The following PTPRD variants were observed in gnomAD, a reference collection of about 807,000 sequenced individuals.
PTPRD encodes protein tyrosine phosphatase receptor type D, also known as receptor-type tyrosine-protein phosphatase delta.
PTPRD carries 34 observed loss-of-function variants against 214.5 expected under a neutral mutation model. The ratio of observed to expected loss-of-function variants is 0.16; its 90% CI spans 0.12 to 0.21. The LOEUF (loss-of-function observed/expected upper bound fraction) is 0.21. Among genes scored for constraint, PTPRD ranks in the 10% least tolerant of loss-of-function variants. The probability of loss-of-function intolerance (pLI) is 1.00; values close to 1 mark genes in which losing one functional copy is unlikely to be tolerated. For missense variants in PTPRD, 2,545 were observed against 2,398.7 expected (o/e 1.06, Z -1.27); for synonymous variants, 1,128 against 845.7 (o/e 1.33, Z -5.79).
intron 3 of PTPRD, among the ~76,000 whole-genome samples, chr9:10,180,278 C>T (rs2099274449): frequency 6.6e-6 from 1 of 151,914 alleles, no homozygotes; most frequent in Admixed American, 6.6e-5. Flanking sequence ...TTCTTATACA[C>T]TGGTAAAAGA....
intron 26 of PTPRD, among the ~76,000 whole-genome samples, chr9:8,496,615 G>A (rs905700538): frequency 1.3e-5 from 2 of 152,088 alleles, no homozygotes; most frequent in Non-Finnish European, 2.9e-5. Flanking sequence ...AATATGTATG[G>A]GTAAAGTGAA....
At chr9:8,651,392 C>G (rs2096804313) in intron 12 of PTPRD, among the ~76,000 whole-genome samples, 1 of 152,138 alleles carries the variant, frequency 6.6e-6, no homozygotes, top group South Asian at 2.1e-4. Flanking sequence ...AGGCCATGAA[C>G]TAACTCTGTC....
intron 5 of PTPRD, among the ~76,000 whole-genome samples, chr9:9,861,574 C>T (rs909356778): frequency 6.6e-6 from 1 of 152,194 alleles, no homozygotes; most frequent in Admixed American, 6.5e-5. Flanking sequence ...CTGGCGTGAG[C>T]CACCGCACAT....
chr9:10,557,470 C>G (rs1028026729), intron 2 of PTPRD, among the ~76,000 whole-genome samples: 9 of 152,036 alleles, frequency 5.9e-5, no homozygotes, highest in African/African-American at 1.9e-4. Flanking sequence ...TACTGGGCTG[C>G]ACAACTCAGC....
At chr9:9,906,453 C>T (rs113011744) in intron 5 of PTPRD, among the ~76,000 whole-genome samples, 15 of 151,854 alleles carry the variant, frequency 9.9e-5, no homozygotes, top group African/African-American at 3.6e-4. Context: ...TGTATTGGTG[C>T]CTACGTAATC....
At chr9:8,743,422 C>T (rs1489134124) in intron 11 of PTPRD, among the ~76,000 whole-genome samples, 5 of 152,130 alleles carry the variant, frequency 3.3e-5, no homozygotes, top group Non-Finnish European at 7.3e-5. Flanking sequence ...GGGAGCTTAG[C>T]TCTTCTCTAA....
At chr9:8,467,476 C>T (rs1273927194) in intron 31 of PTPRD, among the ~76,000 whole-genome samples, 1 of 151,756 alleles carries the variant, frequency 6.6e-6, no homozygotes, top group East Asian at 1.9e-4. Context: ...CGTAATAACC[C>T]TATAAGGATG....
chr9:8,905,360 C>T (rs143158377), intron 11 of PTPRD, among the ~76,000 whole-genome samples: 3 of 152,060 alleles, frequency 2.0e-5, no homozygotes, highest in African/African-American at 4.8e-5. Context: ...TATTTTCTTT[C>T]TGTGTACATT....
intron 3 of PTPRD, among the ~76,000 whole-genome samples, chr9:10,063,788 A>G (rs1273446515): frequency 6.6e-6 from 1 of 152,042 alleles, no homozygotes; most frequent in Non-Finnish European, 1.5e-5. Flanking sequence ...TTCAGAGGTA[A>G]CTGGACTGTG....
chr9:9,086,211 A>G (rs1013852691), intron 10 of PTPRD, among the ~76,000 whole-genome samples: 1 of 152,190 alleles, frequency 6.6e-6, no homozygotes, highest in Non-Finnish European at 1.5e-5. Context: ...TTCTAAATCT[A>G]TGGGTATAGA....
chr9:9,706,733 C>T (rs2097620843), intron 7 of PTPRD, among the ~76,000 whole-genome samples: 1 of 152,066 alleles, frequency 6.6e-6, no homozygotes, highest in African/African-American at 2.4e-5. Flanking sequence ...AGCCACCATG[C>T]CTGGCCTACT....
rs139805133 is a variant in PTPRD at position 8,745,549 on chromosome 9, C to T, written c.-103-11603G>A. On this transcript the variant is annotated intron_variant, in intron 11 of 45. Transcript: ENST00000381196. ...AATAATTCACAAATGAAAGTTTATC[C>T]TATGAGTCAAAAATTTTCTAAAGGG... is the stretch of plus-strand genomic sequence containing the variant. 8.9e-3 allele frequency among the ~76,000 whole-genome samples: 1,360 copies of T among 152,200 alleles called. 22 individuals carry two copies. The highest frequency in any genetic ancestry group is 0.031 in the African/African-American group (1,276 of 41,538).
intron 10 of PTPRD, among the ~76,000 whole-genome samples, chr9:9,038,701 C>G (rs182707648): frequency 7.8e-4 from 119 of 151,874 alleles, no homozygotes; most frequent in Non-Finnish European, 1.4e-3. Flanking sequence ...ATTACAGATG[C>G]CTACCACCAC....
intron 12 of PTPRD, among the ~76,000 whole-genome samples, chr9:8,674,146 A>T (rs2097349534): frequency 6.6e-6 from 1 of 152,124 alleles, no homozygotes; most frequent in Non-Finnish European, 1.5e-5. Flanking sequence ...CGCATCCAAA[A>T]TTATTTTGAA....
chr9:8,525,275 C>A, intron 17 of PTPRD: 1 of 623,066 alleles, frequency 1.6e-6, no homozygotes, highest in South Asian at 1.7e-5. Flanking sequence ...TTTTCCCAAG[C>A]AAGACTTCTA....
chr9:10,142,126 A>G (rs2098990112), intron 3 of PTPRD, among the ~76,000 whole-genome samples: 1 of 152,160 alleles, frequency 6.6e-6, no homozygotes, highest in African/African-American at 2.4e-5. Flanking sequence ...AATCAATTCA[A>G]GATGGATTAA....
chr9:9,582,884 G>A (rs147062783), intron 7 of PTPRD, among the ~76,000 whole-genome samples: 47 of 152,052 alleles, frequency 3.1e-4, no homozygotes, highest in African/African-American at 1.1e-3. Flanking sequence ...AGAAGATAAA[G>A]TCTATTCATG....
intron 3 of PTPRD, among the ~76,000 whole-genome samples, chr9:10,285,015 T>C (rs1396363074): frequency 6.6e-6 from 1 of 152,234 alleles, no homozygotes; most frequent in Non-Finnish European, 1.5e-5. Context: ...TTTTAACTGC[T>C]ATTTTGAACA....
chr9:9,567,219 T>C (rs2084842451), intron 8 of PTPRD, among the ~76,000 whole-genome samples: 1 of 151,718 alleles, frequency 6.6e-6, no homozygotes, highest in Non-Finnish European at 1.5e-5. Context: ...GAGTGGGTCT[T>C]GGTCAAAGGA....
Sources: allele counts gnomAD v4.1 joint callset (sites outside exome capture counted in the v4.1 genomes callset), GRCh38; gene constraint gnomAD v4.1.1; transcripts MANE v1.5; gene names NCBI Gene and HGNC (gene_info 2026-07-23, HGNC 2026-07-21).